The following RIMS1 variants were observed in gnomAD, a reference collection of about 807,000 sequenced individuals.
The protein encoded by RIMS1 is regulating synaptic membrane exocytosis 1.
In RIMS1, 83 loss-of-function variants were observed where a neutral mutation model predicts 214.1. The ratio of observed to expected loss-of-function variants is 0.39; its 90% CI spans 0.32 to 0.47. The LOEUF (loss-of-function observed/expected upper bound fraction) is 0.47, where lower values mean the gene tolerates loss of function less well. RIMS1 is among the 20% of genes least tolerant of loss of function. RIMS1 has a pLI of 0.99. For synonymous variants in RIMS1, 793 were observed against 786.8 expected, an observed-to-expected ratio of 1.01 and a Z score of -0.13; for missense variants, 2,050 against 2,161.8, an observed-to-expected ratio of 0.95 and a Z score of 1.03.
At chr6:71,919,883 T>C (rs1274179129) in intron 1 of RIMS1, among the ~76,000 whole-genome samples, 1 of 152,174 alleles carries the variant, frequency 6.6e-6, no homozygotes, top group Non-Finnish European at 1.5e-5. Context: ...TCCTTTGCAA[T>C]TGATGGATGA....
At chr6:71,936,089 G>T (rs1468400607) in intron 1 of RIMS1, among the ~76,000 whole-genome samples, 1 of 151,988 alleles carries the variant, frequency 6.6e-6, no homozygotes, top group African/African-American at 2.4e-5. Flanking sequence ...GGTGGCTCAC[G>T]CCTGTAATCC....
chr6:72,346,463 T>C (rs72935535), intron 29 of RIMS1, among the ~76,000 whole-genome samples: 3 of 151,920 alleles, frequency 2.0e-5, no homozygotes, highest in African/African-American at 2.4e-5. Flanking sequence ...CCTCAGTAAA[T>C]TGCACTTGTT....
intron 2 of RIMS1, among the ~76,000 whole-genome samples, chr6:71,985,502 C>T (rs1048499138): frequency 4.6e-5 from 7 of 152,104 alleles, no homozygotes; most frequent in African/African-American, 7.2e-5. Context: ...GAGTTATGTA[C>T]GTCCATTATA....
At chr6:72,272,676 T>C (rs1363940101) in intron 22 of RIMS1, among the ~76,000 whole-genome samples, 3 of 152,140 alleles carry the variant, frequency 2.0e-5, no homozygotes, top group Non-Finnish European at 1.5e-5. Flanking sequence ...AGGACTGGAA[T>C]TTTGCCCTAG....
chr6:71,890,948 A>G (rs1769650666), intron 1 of RIMS1, among the ~76,000 whole-genome samples: 1 of 152,208 alleles, frequency 6.6e-6, no homozygotes, highest in Non-Finnish European at 1.5e-5. Flanking sequence ...TCAAAATCAG[A>G]CCTTTTAGTC....
intron 2 of RIMS1, among the ~76,000 whole-genome samples, chr6:72,000,375 C>T (rs1804785120): frequency 6.6e-6 from 1 of 152,124 alleles, no homozygotes; most frequent in East Asian, 1.9e-4. Context: ...GCATATCTAG[C>T]AGATTTATAA....
chr6:72,280,232 A>G (rs2089385216), intron 23 of RIMS1, among the ~76,000 whole-genome samples: 1 of 152,022 alleles, frequency 6.6e-6, no homozygotes, highest in Non-Finnish European at 1.5e-5. Flanking sequence ...TGATAATCCA[A>G]ACAGACACAA....
At chr6:72,219,605 T>C (rs1319350717) in intron 6 of RIMS1, among the ~76,000 whole-genome samples, 1 of 152,048 alleles carries the variant, frequency 6.6e-6, no homozygotes, top group Non-Finnish European at 1.5e-5. Flanking sequence ...ACTGGTGAGT[T>C]TTAACAAATG....
chr6:72,217,406 G>A (rs867982589), intron 6 of RIMS1, among the ~76,000 whole-genome samples: 4 of 152,096 alleles, frequency 2.6e-5, no homozygotes, highest in Non-Finnish European at 5.9e-5. Context: ...ATGCAATAAT[G>A]ATTACTTGTA....
chr6:72,068,910 CAAA>C (rs58411224), intron 2 of RIMS1, among the ~76,000 whole-genome samples: 1 of 140,934 alleles, frequency 7.1e-6, no homozygotes, highest in Non-Finnish European at 1.5e-5. Context: ...GACTCCGTCT[CAAA>C]AAAAAAAAAA....
At chr6:71,969,663 G>C (rs1442002115) in intron 2 of RIMS1, among the ~76,000 whole-genome samples, 1 of 152,096 alleles carries the variant, frequency 6.6e-6, no homozygotes, top group Non-Finnish European at 1.5e-5. Flanking sequence ...ACAAAAATTA[G>C]CTGGGCGTGG....
At chr6:72,070,746 A>G (rs1830401493) in intron 2 of RIMS1, among the ~76,000 whole-genome samples, 2 of 152,164 alleles carry the variant, frequency 1.3e-5, no homozygotes, top group Admixed American at 6.5e-5. Flanking sequence ...TTTTATTGCT[A>G]AGCCCTCGTT....
intron 4 of RIMS1, among the ~76,000 whole-genome samples, chr6:72,122,447 C>T (rs1276600216): frequency 6.6e-6 from 1 of 151,596 alleles, no homozygotes; most frequent in Admixed American, 6.6e-5. Flanking sequence ...ACCTCATGAT[C>T]CACCCGCCTC....
At chr6:71,946,640 A>G (rs571386633) in intron 1 of RIMS1, among the ~76,000 whole-genome samples, 7 of 152,310 alleles carry the variant, frequency 4.6e-5, no homozygotes, top group Non-Finnish European at 1.0e-4. Flanking sequence ...CTCAAAATGA[A>G]TTAAACACTT....
chr6:72,338,430 C>T (rs955159521), intron 29 of RIMS1, among the ~76,000 whole-genome samples: 3 of 151,986 alleles, frequency 2.0e-5, no homozygotes, highest in African/African-American at 7.2e-5. Context: ...ATGTCTAAAA[C>T]ACCAAAAGCA....
intron 2 of RIMS1, among the ~76,000 whole-genome samples, chr6:71,974,020 G>T (rs1796547199): frequency 6.6e-6 from 1 of 152,074 alleles, no homozygotes; most frequent in African/African-American, 2.4e-5. Context: ...GGAGGTGTTG[G>T]GGGTCAGTGG....
chr6:71,984,743 G>GTGTA (rs68138613), intron 2 of RIMS1, among the ~76,000 whole-genome samples: 3,617 of 148,986 alleles, frequency 0.024, 97 homozygotes, highest in Admixed American at 0.066. Context: ...GTATCCATCT[G>GTGTA]TGTATGTATG....
intron 4 of RIMS1, among the ~76,000 whole-genome samples, chr6:72,157,994 C>T (rs1187125278): frequency 7.1e-6 from 1 of 140,224 alleles, no homozygotes; most frequent in Admixed American, 7.3e-5. Context: ...ATTAACATAG[C>T]TTATCCCCAC....
intron 16 of RIMS1, 113 bp downstream of exon 16, chr6:72,252,945 C>A: frequency 1.3e-6 from 1 of 748,542 alleles, no homozygotes; most frequent in South Asian, 1.7e-5. Context: ...ACAGAGAAAT[C>A]AGTATTATAT....
Sources: gnomAD v4.1 joint callset for allele counts (sites outside exome capture counted in the v4.1 genomes callset) on GRCh38, gnomAD v4.1.1 for gene constraint, MANE v1.5 for transcripts, NCBI Gene and HGNC (gene_info 2026-07-23, HGNC 2026-07-21) for gene names.